The following SGCZ variants were observed in gnomAD, a reference collection of about 807,000 sequenced individuals.
The protein encoded by SGCZ is zeta-sarcoglycan.
SGCZ carries 40 observed loss-of-function variants against 41.3 expected under a neutral mutation model. That is an observed-to-expected ratio of 0.97 (90% CI 0.75 to 1.26). SGCZ has a LOEUF of 1.26. Ranked by LOEUF, SGCZ falls within the 50% of genes most tolerant of loss-of-function variation. The pLI is 0.00. For missense variants in SGCZ, 552 were observed against 369.8 expected (o/e 1.49, Z -4.04); for synonymous variants, 206 against 137.5 (o/e 1.50, Z -3.49).
chr8:14,871,014 C>T (rs1804129730), intron 1 of SGCZ, among the ~76,000 whole-genome samples: 1 of 152,032 alleles, frequency 6.6e-6, no homozygotes, highest in African/African-American at 2.4e-5. Context: ...TTGAGACCAG[C>T]CTGACCAACA....
At chr8:14,431,527 A>G (rs573975667) in intron 2 of SGCZ, among the ~76,000 whole-genome samples, 5 of 152,360 alleles carry the variant, frequency 3.3e-5, no homozygotes, top group South Asian at 4.1e-4. Context: ...CTCACCTTAT[A>G]CAAAAATCAA....
At chr8:14,843,498 T>C (rs1295673591) in intron 1 of SGCZ, among the ~76,000 whole-genome samples, 2 of 152,168 alleles carry the variant, frequency 1.3e-5, no homozygotes, top group Non-Finnish European at 2.9e-5. Context: ...CTGTTCATCA[T>C]TGTCTATCCA....
intron 1 of SGCZ, among the ~76,000 whole-genome samples, chr8:15,025,809 T>C (rs1045427584): frequency 7.2e-5 from 11 of 152,308 alleles, no homozygotes; most frequent in African/African-American, 2.2e-4. Context: ...TTTTGTTCCA[T>C]TTGCATCAAC....
chr8:15,019,269 C>T (rs894610191), intron 1 of SGCZ, among the ~76,000 whole-genome samples: 1 of 152,070 alleles, frequency 6.6e-6, no homozygotes. Context: ...TGGTTGTTTT[C>T]CAGGTGCAGA....
chr8:14,102,772 T>C (rs1265602212), intron 6 of SGCZ, among the ~76,000 whole-genome samples: 1 of 152,082 alleles, frequency 6.6e-6, no homozygotes, highest in African/African-American at 2.4e-5. Flanking sequence ...TTGCTTATGG[T>C]TTCTTTTGTT....
intron 1 of SGCZ, among the ~76,000 whole-genome samples, chr8:14,696,988 A>C (rs995372371): frequency 5.3e-5 from 8 of 152,168 alleles, no homozygotes; most frequent in African/African-American, 1.2e-4. Context: ...ATATTAGTTA[A>C]AGTAAGCTTA....
chr8:14,832,497 A>AT lies in SGCZ; in HGVS notation c.40-277572dup, dbSNP rs963982445. Among the ~76,000 whole-genome samples, 11 of 148,790 alleles carry AT rather than the reference A, an allele frequency of 7.4e-5. No individual in the cohort carries two copies. The East Asian group carries it at 1.0e-3, about 14-fold the overall frequency. ...CCACCGTATCTAAGAGATGGGTAGC[A>AT]TTTTTTTTAACAGGGTGAATCTTTT... On this transcript the variant is annotated intron_variant, in intron 1 of 7. Transcript: ENST00000382080.
rs182712343 is a variant in SGCZ at position 14,940,195 on chromosome 8, A to T, written c.39+297390T>A. Among the ~76,000 whole-genome samples the T allele has an allele frequency of 3.8e-3, 579 of 152,288 alleles. 6 individuals are homozygous for T. The highest frequency in any genetic ancestry group is 0.013 in the African/African-American group (559 of 41,568). On this transcript the variant is annotated intron_variant, in intron 1 of 7. Transcript: ENST00000382080. ...AAGTTCTTCAGATTTATACCAGGCA[A>T]GACAAAAAGCCCAGAGATATCCTGA...
At chr8:15,024,069 G>A (rs541742705) in intron 1 of SGCZ, among the ~76,000 whole-genome samples, 1 of 152,146 alleles carries the variant, frequency 6.6e-6, no homozygotes, top group Non-Finnish European at 1.5e-5. Context: ...TGTTTCTTGA[G>A]CATTATAAGA....
At chr8:15,143,026 C>T (rs537822119) in intron 1 of SGCZ, among the ~76,000 whole-genome samples, 1 of 152,212 alleles carries the variant, frequency 6.6e-6, no homozygotes, top group Non-Finnish European at 1.5e-5. Flanking sequence ...TAGAGTATTT[C>T]ATGACAATTT....
At chr8:14,962,723 T>A (rs1374748156) in intron 1 of SGCZ, among the ~76,000 whole-genome samples, 1 of 152,232 alleles carries the variant, frequency 6.6e-6, no homozygotes, top group Non-Finnish European at 1.5e-5. Flanking sequence ...GATAATTGTC[T>A]AAACAGCATG....
intron 2 of SGCZ, among the ~76,000 whole-genome samples, chr8:14,451,242 C>T (rs1409435280): frequency 6.6e-6 from 1 of 152,082 alleles, no homozygotes; most frequent in African/African-American, 2.4e-5. Flanking sequence ...AATGTAGCTA[C>T]CTTTATGTTC....
chr8:14,374,020 A>G (rs1362157238), intron 2 of SGCZ, among the ~76,000 whole-genome samples: 1 of 152,208 alleles, frequency 6.6e-6, no homozygotes, highest in East Asian at 1.9e-4. Context: ...AACGATTTTA[A>G]AAAAGAAAAT....
intron 1 of SGCZ, among the ~76,000 whole-genome samples, chr8:15,084,651 T>C (rs754552552): frequency 9.2e-5 from 14 of 151,976 alleles, no homozygotes; most frequent in Non-Finnish European, 1.8e-4. Context: ...ACTCGGAAGG[T>C]TGAGGCAGGA....
At position 14,705,733 on chromosome 8, in the gene SGCZ, T is replaced by C. The variant is rs542262363; in HGVS notation, c.40-150807A>G. On this transcript the variant is annotated intron_variant, in intron 1 of 7. Transcript: ENST00000382080. ...ATTCTAGGAAGCAGAGGTTCTGAAA[T>C]AGAACATAGTAAAAACATCTTTGGA... Among the ~76,000 whole-genome samples the C allele has an allele frequency of 3.3e-4, 50 of 152,174 alleles. No individual in the cohort carries two copies. In the South Asian group the frequency reaches 9.7e-3, roughly 30 times the overall value.
At chr8:15,232,930 A>G (rs551838130) in intron 1 of SGCZ, among the ~76,000 whole-genome samples, 1 of 151,794 alleles carries the variant, frequency 6.6e-6, no homozygotes, top group African/African-American at 2.4e-5. Flanking sequence ...GATGTATAGT[A>G]ACATCACAGT....
At chr8:15,235,998 A>G (rs76898713) in intron 1 of SGCZ, among the ~76,000 whole-genome samples, 8,357 of 152,280 alleles carry the variant, frequency 0.055, 774 homozygotes, top group African/African-American at 0.19. Context: ...GAGCAGAGAG[A>G]TAAGAGGAAA....
chr8:15,159,797 C>G (rs914443904), intron 1 of SGCZ, among the ~76,000 whole-genome samples: 1 of 125,492 alleles, frequency 8.0e-6, no homozygotes, highest in African/African-American at 3.0e-5. Flanking sequence ...AGCTTAATGG[C>G]AGATAATTTT....
At chr8:14,303,060 G>C (rs1801247471) in intron 3 of SGCZ, among the ~76,000 whole-genome samples, 1 of 152,030 alleles carries the variant, frequency 6.6e-6, no homozygotes, top group Admixed American at 6.6e-5. Flanking sequence ...CCAGGTCTAA[G>C]GCCATTAACC....
Sources: gnomAD v4.1 joint callset for allele counts (sites outside exome capture counted in the v4.1 genomes callset) on GRCh38, gnomAD v4.1.1 for gene constraint, MANE v1.5 for transcripts, NCBI Gene and HGNC (gene_info 2026-07-23, HGNC 2026-07-21) for gene names.